ATF7IP2: variants seen among roughly 807,000 people sequenced by gnomAD.
ATF7IP2 encodes activating transcription factor 7 interacting protein 2.
In ATF7IP2, 42 loss-of-function variants were observed where a neutral mutation model predicts 64.2. That is an observed-to-expected ratio of 0.65 (90% CI 0.51 to 0.85). The LOEUF (loss-of-function observed/expected upper bound fraction) is 0.85. Among genes scored for constraint, ATF7IP2 ranks in the 40% least tolerant of loss-of-function variants. ATF7IP2 has a pLI of 0.00. For missense variants in ATF7IP2, 933 were observed against 784.2 expected, an observed-to-expected ratio of 1.19 and a Z score of -2.27; for synonymous variants, 308 against 272.8, an observed-to-expected ratio of 1.13 and a Z score of -1.27.
At chr16:10,431,990 A>AT (rs34029007) in intron 5 of ATF7IP2, among the ~76,000 whole-genome samples, 81,418 of 111,498 alleles carry the variant, frequency 0.73, 30,596 homozygotes, top group African/African-American at 0.86. Context: ...CGCCCGGCTA[A>AT]TTTTTTTTTT....
intron 12 of ATF7IP2, among the ~76,000 whole-genome samples, chr16:10,474,309 C>T (rs971959551): frequency 1.4e-5 from 2 of 147,716 alleles, no homozygotes; most frequent in African/African-American, 2.5e-5. Flanking sequence ...TGACTTCTTC[C>T]GAGGGTCATC....
intron 1 of ATF7IP2, among the ~76,000 whole-genome samples, chr16:10,408,857 A>G (rs1243187139): frequency 6.6e-6 from 1 of 152,130 alleles, no homozygotes; most frequent in Non-Finnish European, 1.5e-5. Context: ...AGTCCTGCCT[A>G]TTCATCTTTG....
Position 10,414,286 on chromosome 16 carries a change from C to A in ATF7IP2, c.-241-288C>A, listed in dbSNP as rs1393044988. Among the ~76,000 whole-genome samples the A allele has an allele frequency of 2.0e-5, 3 of 152,094 alleles. No individual in the cohort carries two copies. In the East Asian group the frequency reaches 5.8e-4, roughly 29 times the overall value. Reference sequence around the variant, plus strand: ...GAGGCTTTGTTCATATTTTCTTATTCTTTTTTCTTTGTCTTTGTTGGATTA... The same window carrying A: ...GAGGCTTTGTTCATATTTTCTTATTATTTTTTCTTTGTCTTTGTTGGATTA... On this transcript the variant is annotated intron_variant, in intron 1 of 13. Coordinates refer to ENST00000562102, the MANE Select transcript of ATF7IP2 (RefSeq NM_001393719.1).
intron 1 of ATF7IP2, among the ~76,000 whole-genome samples, chr16:10,406,844 A>G (rs1456366396): frequency 6.6e-6 from 1 of 151,958 alleles, no homozygotes; most frequent in Non-Finnish European, 1.5e-5. Flanking sequence ...TTAAAGAAGT[A>G]ATACCAATCC....
intron 11 of ATF7IP2, 66 bp from the exon 12 acceptor site, chr16:10,473,857 T>A: frequency 9.2e-7 from 1 of 1,082,460 alleles, no homozygotes; most frequent in Non-Finnish European, 1.3e-6. Flanking sequence ...CAAATGGTTT[T>A]AAATTTTTAA....
chr16:10,431,379 G>A lies in ATF7IP2; in HGVS notation c.759G>A (p.Glu253=). The change falls in exon 5 of 14, where the codon GAG becomes GAA. Residue 253 remains glutamate, a synonymous_variant. Transcript: ENST00000562102. ...NCADDILKTD[E]CSRTSISNCE... ...CTGATGACATTTTGAAAACTGATGA[G>A]TGTAGTAGAACCAGTATTTCAAATT... 6.2e-7 allele frequency: 1 copy of A among 1,613,996 alleles called. No homozygotes were observed. Among genetic ancestry groups the A allele is most frequent in the Non-Finnish European group, 8.5e-7 (1 of 1,179,876 alleles).
At chr16:10,477,755 G>T (rs1391864579) in intron 12 of ATF7IP2, among the ~76,000 whole-genome samples, 2 of 152,102 alleles carry the variant, frequency 1.3e-5, no homozygotes, top group Non-Finnish European at 2.9e-5. Context: ...AAACCCCATT[G>T]TCTCAGCCCA....
At chr16:10,417,953 C>T (rs1355663017) in intron 2 of ATF7IP2, among the ~76,000 whole-genome samples, 3 of 152,172 alleles carry the variant, frequency 2.0e-5, no homozygotes, top group African/African-American at 4.8e-5. Context: ...ATGTCCACGT[C>T]GGTCGTGGAG....
chr16:10,478,907 C>T (rs1437798741), intron 12 of ATF7IP2, among the ~76,000 whole-genome samples: 1 of 152,118 alleles, frequency 6.6e-6, no homozygotes, highest in Non-Finnish European at 1.5e-5. Context: ...AAAATGCTCA[C>T]CATCACTGGC....
intron 8 of ATF7IP2, chr16:10,447,398 T>A (rs2048845033): frequency 6.6e-6 from 1 of 152,164 alleles, no homozygotes; most frequent in Non-Finnish European, 1.5e-5. Context: ...CCGGAGACCC[T>A]TCTCCGGAGA....
At chr16:10,440,273 C>T (rs903407582) in intron 7 of ATF7IP2, 91 bp from the exon 8 acceptor site, 18 of 596,888 alleles carry the variant, frequency 3.0e-5, no homozygotes, top group Middle Eastern at 4.5e-4. Context: ...CTAGGTCTTA[C>T]AAAACTACTT....
rs552467819 is a variant in ATF7IP2 at position 10,440,893 on chromosome 16, C to T, written c.1194+431C>T. Among the ~76,000 whole-genome samples, 3 of 152,222 alleles carry T rather than the reference C, an allele frequency of 2.0e-5. No homozygotes were observed. The South Asian group carries it at 6.2e-4, about 32-fold the overall frequency. ...TTAGGTATTTCTCCTAATGCTATCC[C>T]TCCCCTAGCCTCCCCACCCCCTGAC... On this transcript the variant is annotated intron_variant, in intron 8 of 13. Transcript: ENST00000562102.
At chr16:10,471,230 G>GA (rs1351486071) in intron 9 of ATF7IP2, among the ~76,000 whole-genome samples, 1 of 152,094 alleles carries the variant, frequency 6.6e-6, no homozygotes, top group Non-Finnish European at 1.5e-5. Context: ...ATGTCTGCAA[G>GA]AAAATGGTAT....
chr16:10,474,066 T>G (rs73499904), intron 12 of ATF7IP2, 77 bp downstream of exon 12: 10 of 984,376 alleles, frequency 1.0e-5, no homozygotes, highest in Admixed American at 6.9e-5. Flanking sequence ...GGTCTACTTA[T>G]GAAGTTTGTT....
chr16:10,481,838 T>G lies in ATF7IP2; in HGVS notation c.1638T>G (p.Val546=). ...TTPLAQNAVQ[V]PESFEHLPPL... is the part of the protein sequence containing the mutation. ...TTTTCTTACAATTGTGTTTTTAGGT[T>G]CCTGAGTCCTTTGAGCACCTGCCAC... The change falls in exon 14 of 14, where the codon GTT becomes GTG. Residue 546 remains valine, a splice_region_variant and synonymous_variant. Coordinates refer to ENST00000562102, the MANE Select transcript of ATF7IP2 (RefSeq NM_001393719.1). 6.4e-7 allele frequency: 1 copy of G among 1,571,536 alleles called. No individual in the cohort carries two copies. The highest frequency in any genetic ancestry group is 8.6e-7 in the Non-Finnish European group (1 of 1,164,790).
intron 1 of ATF7IP2, among the ~76,000 whole-genome samples, chr16:10,391,607 C>T (rs1055186014): frequency 4.6e-5 from 7 of 151,984 alleles, no homozygotes; most frequent in African/African-American, 1.7e-4. Context: ...TCACTAATAT[C>T]AAGAATGAGG....
chr16:10,479,142 C>T (rs576561104), intron 12 of ATF7IP2, among the ~76,000 whole-genome samples: 7 of 150,684 alleles, frequency 4.6e-5, no homozygotes, highest in South Asian at 2.1e-4. Flanking sequence ...CCAGCCATCC[C>T]ATTACTGGGT....
chr16:10,442,350 C>G (rs1465038946), intron 8 of ATF7IP2, among the ~76,000 whole-genome samples: 2 of 152,120 alleles, frequency 1.3e-5, no homozygotes, highest in Non-Finnish European at 2.9e-5. Flanking sequence ...CTTTGCTGTT[C>G]TTCTTGATTT....
chr16:10,426,645 A>T (rs1480185314), intron 3 of ATF7IP2, among the ~76,000 whole-genome samples: 2 of 152,184 alleles, frequency 1.3e-5, no homozygotes, highest in African/African-American at 2.4e-5. Context: ...CATCAGTGAA[A>T]GGCTTCTTTA....
Sources: gnomAD v4.1 joint callset for allele counts (sites outside exome capture counted in the v4.1 genomes callset) on GRCh38, gnomAD v4.1.1 for gene constraint, MANE v1.5 for transcripts, NCBI Gene and HGNC (gene_info 2026-07-23, HGNC 2026-07-21) for gene names.